The following SLC25A26 variants were observed in gnomAD, a reference collection of about 807,000 sequenced individuals.
SLC25A26 encodes the protein solute carrier family 25 member 26, also known as mitochondrial S-adenosylmethionine carrier protein.
A neutral mutation model predicts 37.8 loss-of-function variants in SLC25A26; 36 were observed. The observed-to-expected ratio is 0.95, with a 90% CI of 0.73 to 1.26. The LOEUF (loss-of-function observed/expected upper bound fraction) is 1.26, where lower values mean the gene tolerates loss of function less well. Among genes scored for constraint, SLC25A26 ranks in the 50% most tolerant of loss-of-function variants. SLC25A26 has a pLI of 0.00. For synonymous variants in SLC25A26, 129 were observed against 122.5 expected, an observed-to-expected ratio of 1.05 and a Z score of -0.35; for missense variants, 390 against 331.1, an observed-to-expected ratio of 1.18 and a Z score of -1.38.
intron 1 of SLC25A26, among the ~76,000 whole-genome samples, chr3:66,171,858 A>G (rs1559559562): frequency 6.6e-6 from 1 of 152,214 alleles, no homozygotes; most frequent in Non-Finnish European, 1.5e-5. Context: ...GGAACTGGAA[A>G]TACAGAAAGG....
intron 5 of SLC25A26, among the ~76,000 whole-genome samples, chr3:66,274,979 T>C (rs1481884388): frequency 2.6e-5 from 4 of 151,916 alleles, no homozygotes; most frequent in African/African-American, 4.8e-5. Context: ...CTATTCACAA[T>C]AGCAAAGACT....
chr3:66,321,133 A>G (rs966730277), intron 5 of SLC25A26, among the ~76,000 whole-genome samples: 3 of 152,220 alleles, frequency 2.0e-5, no homozygotes, highest in Non-Finnish European at 4.4e-5. Flanking sequence ...ATAGTGTTAC[A>G]GTGAAAAGAC....
At chr3:66,214,120 G>T (rs2071325626) in intron 1 of SLC25A26, among the ~76,000 whole-genome samples, 1 of 152,080 alleles carries the variant, frequency 6.6e-6, no homozygotes, top group African/African-American at 2.4e-5. Context: ...AGCCTGGTGG[G>T]AGGTGTTTGG....
At chr3:66,313,270 T>TA (rs1332213607) in intron 5 of SLC25A26, among the ~76,000 whole-genome samples, 1 of 152,216 alleles carries the variant, frequency 6.6e-6, no homozygotes, top group Non-Finnish European at 1.5e-5. Context: ...GTTTTACAGT[T>TA]AAGTCTTTGA....
At chr3:66,199,790 C>T (rs932188282) in intron 1 of SLC25A26, among the ~76,000 whole-genome samples, 3 of 152,020 alleles carry the variant, frequency 2.0e-5, no homozygotes, top group Non-Finnish European at 4.4e-5. Context: ...CATCATGACC[C>T]TGAGTTGAAT....
chr3:66,374,310 A>G (rs1169055925), intron 9 of SLC25A26, among the ~76,000 whole-genome samples: 1 of 152,166 alleles, frequency 6.6e-6, no homozygotes, highest in Non-Finnish European at 1.5e-5. Context: ...TCACCTGTCA[A>G]ATATTTTCAT....
At chr3:66,339,997 T>C (rs150693384) in intron 5 of SLC25A26, among the ~76,000 whole-genome samples, 3 of 152,100 alleles carry the variant, frequency 2.0e-5, no homozygotes, top group East Asian at 1.9e-4. Flanking sequence ...TTAGGTCTTA[T>C]GTTTAGTTCT....
At chr3:66,272,362 T>C (rs1361614752) in intron 5 of SLC25A26, among the ~76,000 whole-genome samples, 2 of 152,288 alleles carry the variant, frequency 1.3e-5, no homozygotes, top group African/African-American at 4.8e-5. Context: ...GGAAAATATG[T>C]ATTTAAAATG....
intron 4 of SLC25A26, among the ~76,000 whole-genome samples, chr3:66,262,625 A>C (rs994069575): frequency 4.6e-5 from 7 of 152,238 alleles, no homozygotes; most frequent in Admixed American, 3.9e-4. Context: ...GAGAGCATTT[A>C]GCTGCTTTCC....
chr3:66,239,695 A>G (rs148169648), intron 2 of SLC25A26, among the ~76,000 whole-genome samples: 5,672 of 152,180 alleles, frequency 0.037, 372 homozygotes, highest in African/African-American at 0.13. Flanking sequence ...TATTATAGCA[A>G]CCCTTTACCC....
chr3:66,267,460 G>T (rs1370218958), intron 5 of SLC25A26, among the ~76,000 whole-genome samples: 2 of 152,132 alleles, frequency 1.3e-5, no homozygotes, highest in African/African-American at 4.8e-5. Context: ...GTTTGCCAGG[G>T]ACTGGAGTGG....
chr3:66,264,771 T>G (rs2073678435), intron 5 of SLC25A26, among the ~76,000 whole-genome samples: 1 of 152,118 alleles, frequency 6.6e-6, no homozygotes, highest in African/African-American at 2.4e-5. Flanking sequence ...GTCTCAGAAG[T>G]CTGTATCAGG....
chr3:66,352,428 G>GTTTTTT lies in SLC25A26; in HGVS notation c.498+6021_498+6026dup, dbSNP rs1242977476. ...TGCCTAGCGCCTCCCCTCGTTTTTT[G>GTTTTTT]TTTTTTGTTTTTTGTTTTTTTTTTT... is the stretch of plus-strand genomic sequence containing the variant. On this transcript the variant is annotated intron_variant, in intron 6 of 9. Coordinates refer to ENST00000354883, the MANE Select transcript of SLC25A26 (RefSeq NM_001379210.1). 1.1e-4 allele frequency among the ~76,000 whole-genome samples: 14 copies of GTTTTTT among 126,680 alleles called. 1 individual carries two copies. Among genetic ancestry groups the GTTTTTT allele is most frequent in the African/African-American group, 4.5e-4 (13 of 29,134 alleles). 83.1% of individuals were successfully genotyped at this position (126,680 alleles called of 152,430 possible).
intron 5 of SLC25A26, among the ~76,000 whole-genome samples, chr3:66,345,264 G>A (rs1480332459): frequency 6.6e-6 from 1 of 152,146 alleles, no homozygotes; most frequent in Non-Finnish European, 1.5e-5. Flanking sequence ...AGCATTGACT[G>A]ATTTGGTGAT....
chr3:66,143,636 G>A (rs2070070345), intron 1 of SLC25A26, among the ~76,000 whole-genome samples: 1 of 152,078 alleles, frequency 6.6e-6, no homozygotes, highest in African/African-American at 2.4e-5. Flanking sequence ...GTAATCCCAG[G>A]ACTTTGGGAG....
intron 5 of SLC25A26, among the ~76,000 whole-genome samples, chr3:66,345,269 G>A (rs1202287121): frequency 1.3e-5 from 2 of 152,092 alleles, no homozygotes; most frequent in East Asian, 1.9e-4. Context: ...TGACTGATTT[G>A]GTGATTCTTC....
chr3:66,347,889 A>G (rs555056089), intron 6 of SLC25A26, among the ~76,000 whole-genome samples: 74 of 152,296 alleles, frequency 4.9e-4, no homozygotes, highest in African/African-American at 1.5e-3. Context: ...AAAAGCAAAC[A>G]CTGCATGTTC....
rs146232040 is a variant in SLC25A26 at position 66,362,544 on chromosome 3, G to A, written c.499-316G>A. On this transcript the variant is annotated intron_variant, in intron 6 of 9. Transcript: ENST00000354883. Reference sequence around the variant, plus strand: ...AGGACAGGAAGGAGGGGTTACATAGGGATACAAGAAAACTTGTGGGTCATG... The same window carrying A: ...AGGACAGGAAGGAGGGGTTACATAGAGATACAAGAAAACTTGTGGGTCATG... 1.3e-3 allele frequency among the ~76,000 whole-genome samples: 197 copies of A among 152,286 alleles called. 2 individuals carry two copies. The highest frequency in any genetic ancestry group is 4.6e-3 in the African/African-American group (191 of 41,560).
intron 9 of SLC25A26, among the ~76,000 whole-genome samples, chr3:66,373,347 A>C (rs1559751187): frequency 6.6e-6 from 1 of 152,126 alleles, no homozygotes; most frequent in South Asian, 2.1e-4. Context: ...AAATTACTCC[A>C]CGTTAAGGCC....
Sources: gnomAD v4.1 joint callset for allele counts (sites outside exome capture counted in the v4.1 genomes callset) on GRCh38, gnomAD v4.1.1 for gene constraint, MANE v1.5 for transcripts, NCBI Gene and HGNC (gene_info 2026-07-23, HGNC 2026-07-21) for gene names.